The following ARHGAP28 variants were observed in gnomAD, a reference collection of about 807,000 sequenced individuals.
The protein encoded by ARHGAP28 is rho GTPase-activating protein 28.
In ARHGAP28, 56 loss-of-function variants were observed where a neutral mutation model predicts 90.7. The ratio of observed to expected loss-of-function variants is 0.62; its 90% confidence interval spans 0.50 to 0.77. The LOEUF is 0.77. Among genes scored for constraint, ARHGAP28 ranks in the 30% least tolerant of loss-of-function variants. The pLI, the probability that ARHGAP28 is intolerant of heterozygous loss-of-function variation, is 0.00. For synonymous variants in ARHGAP28, 308 were observed against 323.3 expected (o/e 0.95, Z 0.51); for missense variants, 869 against 900.9 (o/e 0.96, Z 0.45).
At chr18:6,899,995 T>C (rs4798510) in intron 16 of ARHGAP28, among the ~76,000 whole-genome samples, 86,370 of 151,830 alleles carry the variant, frequency 0.57, 24,646 homozygotes, top group Middle Eastern at 0.63. Context: ...GAGCTTCACC[T>C]GCAGCCTGCA....
At chr18:6,804,490 TTGCTATTTTTCTCTTTTAAGATCAAA>T (rs2143646275) in intron 1 of ARHGAP28, among the ~76,000 whole-genome samples, 1 of 152,338 alleles carries the variant, frequency 6.6e-6, no homozygotes, top group East Asian at 1.9e-4. Context: ...TGGATTTAGT[TTGCTATTTTTCTCTTTTAAGATCAAA>T]GCTGAAGTCA....
chr18:6,896,620 A>G lies in ARHGAP28; in HGVS notation c.2024A>G (p.Glu675Gly). Residue 675 changes from glutamate (E) to glycine (G), a missense_variant, in exon 16 of 18, where the codon GAA (glutamate) becomes GGA (glycine). Glu to Gly is a moderately conservative substitution (Grantham distance 98). Coordinates refer to ENST00000383472, the MANE Select transcript of ARHGAP28 (RefSeq NM_001366230.1). ...AKDILAKFQY[E>G]NSHGSSECIK... is the part of the protein sequence containing the mutation. ...GACATATTGGCAAAATTTCAATATG[A>G]AAACAGGTGAGTCAATGTGAATGAA... is the stretch of plus-strand genomic sequence containing the variant. 1 of 1,614,074 alleles carries G rather than the reference A, an allele frequency of 6.2e-7. No homozygotes were observed. The highest frequency in any genetic ancestry group is 8.5e-7 in the Non-Finnish European group (1 of 1,179,992).
intron 1 of ARHGAP28, among the ~76,000 whole-genome samples, chr18:6,761,633 G>T (rs1011734024): frequency 6.6e-6 from 1 of 152,162 alleles, no homozygotes; most frequent in Non-Finnish European, 1.5e-5. Flanking sequence ...AATCAGGAAG[G>T]GCCAGTGGTC....
chr18:6,895,430 A>C (rs1195560825), intron 15 of ARHGAP28, among the ~76,000 whole-genome samples: 1 of 152,244 alleles, frequency 6.6e-6, no homozygotes, highest in Non-Finnish European at 1.5e-5. Flanking sequence ...ATGAGCTGGC[A>C]TAAAACAATA....
intron 3 of ARHGAP28, among the ~76,000 whole-genome samples, chr18:6,844,553 A>T (rs2056851710): frequency 6.6e-6 from 1 of 152,234 alleles, no homozygotes; most frequent in Admixed American, 6.5e-5. Flanking sequence ...ATGTACACAT[A>T]TTATACATAA....
intron 1 of ARHGAP28, among the ~76,000 whole-genome samples, chr18:6,776,654 T>TGA (rs1567943727): frequency 6.6e-6 from 1 of 152,118 alleles, no homozygotes. Context: ...GTACACCTGA[T>TGA]GAGGAGGAGG....
At chr18:6,819,913 A>G (rs1052272745) in intron 1 of ARHGAP28, among the ~76,000 whole-genome samples, 6 of 152,136 alleles carry the variant, frequency 3.9e-5, no homozygotes, top group African/African-American at 1.2e-4. Context: ...CTCTCACTCT[A>G]TCTACCAAAT....
In ARHGAP28 at chr18:6,758,779, C is replaced by CT. The variant is rs539519210; in HGVS notation, c.122+28837dup. ...TTTATGGTATTTATGATTTTTTTCT[C>CT]TATCTATTCACTTATTATCTCAGAT... is the stretch of plus-strand genomic sequence containing the variant. On this transcript the variant is annotated intron_variant, in intron 1 of 17. Transcript: ENST00000383472. 1.7e-3 allele frequency among the ~76,000 whole-genome samples: 255 copies of CT among 152,214 alleles called. 1 individual carries two copies. Among genetic ancestry groups the CT allele is most frequent in the African/African-American group, 5.7e-3 (236 of 41,548 alleles).
intron 16 of ARHGAP28, among the ~76,000 whole-genome samples, chr18:6,907,370 C>T (rs1405458571): frequency 6.9e-6 from 1 of 144,842 alleles, no homozygotes; most frequent in Non-Finnish European, 1.5e-5. Flanking sequence ...CTGATAGCAG[C>T]TTTATTTGTA....
In ARHGAP28 at chr18:6,754,245, G is replaced by T. The variant is rs377053057; in HGVS notation, c.122+24302G>T. Among the ~76,000 whole-genome samples the T allele has an allele frequency of 5.9e-5, 9 of 152,044 alleles. 2 individuals carry two copies. Among genetic ancestry groups the T allele is most frequent in the East Asian group, 3.9e-4 (2 of 5,168 alleles). ...GTCCTTATTGCAGTTTCTTCCAAAC[G>T]GTACCACAAATCCAACAACTATTAT... On this transcript the variant is annotated intron_variant, in intron 1 of 17. Coordinates refer to ENST00000383472, the MANE Select transcript of ARHGAP28 (RefSeq NM_001366230.1).
chr18:6,857,333 G>GA (rs2056961629), intron 4 of ARHGAP28, among the ~76,000 whole-genome samples: 1 of 152,134 alleles, frequency 6.6e-6, no homozygotes, highest in Admixed American at 6.5e-5. Context: ...GGCTCACACA[G>GA]AAAAAATAAC....
intron 1 of ARHGAP28, among the ~76,000 whole-genome samples, chr18:6,731,049 C>T (rs1188738893): frequency 3.9e-5 from 6 of 152,094 alleles, no homozygotes; most frequent in African/African-American, 1.4e-4. Context: ...CTATGTTGGG[C>T]TTGGCTAACA....
intron 14 of ARHGAP28, among the ~76,000 whole-genome samples, chr18:6,891,149 C>T (rs1015688403): frequency 6.6e-6 from 1 of 152,140 alleles, no homozygotes; most frequent in Non-Finnish European, 1.5e-5. Flanking sequence ...TTACTTTGCC[C>T]TCAAAGGAAC....
chr18:6,744,807 TAATA>T (rs1190532985), intron 1 of ARHGAP28, among the ~76,000 whole-genome samples: 1 of 152,172 alleles, frequency 6.6e-6, no homozygotes, highest in Non-Finnish European at 1.5e-5. Context: ...GCAACTTAAT[TAATA>T]GGAATTTTAG....
At chr18:6,807,773 G>A (rs1358258457) in intron 1 of ARHGAP28, among the ~76,000 whole-genome samples, 1 of 152,176 alleles carries the variant, frequency 6.6e-6, no homozygotes, top group African/African-American at 2.4e-5. Flanking sequence ...GAGCTCCAGA[G>A]TTCTCTGTCT....
At chr18:6,819,132 A>G (rs1014890161) in intron 1 of ARHGAP28, among the ~76,000 whole-genome samples, 21 of 152,226 alleles carry the variant, frequency 1.4e-4, no homozygotes, top group Non-Finnish European at 2.6e-4. Flanking sequence ...AGTAAGAAGT[A>G]TGTCTTTTAA....
chr18:6,892,321 T>A (rs1338910985), intron 14 of ARHGAP28, among the ~76,000 whole-genome samples: 2 of 151,934 alleles, frequency 1.3e-5, no homozygotes, highest in African/African-American at 2.4e-5. Flanking sequence ...GCTAATTTTT[T>A]AAATATTTTT....
intron 10 of ARHGAP28, among the ~76,000 whole-genome samples, chr18:6,878,020 G>T (rs1175591339): frequency 6.6e-6 from 1 of 151,970 alleles, no homozygotes. Flanking sequence ...ATGCATGCAT[G>T]GGTGTATAAC....
intron 5 of ARHGAP28, among the ~76,000 whole-genome samples, chr18:6,865,848 C>T (rs112371697): frequency 2.0e-5 from 3 of 152,138 alleles, no homozygotes; most frequent in Admixed American, 6.6e-5. Flanking sequence ...GGAAAACACC[C>T]GTTGTGATTC....
Sources: gnomAD v4.1 joint callset for allele counts (sites outside exome capture counted in the v4.1 genomes callset) on GRCh38, gnomAD v4.1.1 for gene constraint, MANE v1.5 for transcripts, NCBI Gene and HGNC (gene_info 2026-07-23, HGNC 2026-07-21) for gene names.